TMEM108: variants seen among roughly 807,000 people sequenced by gnomAD.
TMEM108 encodes the protein transmembrane protein 108.
A neutral mutation model predicts 35.1 loss-of-function variants in TMEM108; 12 were observed. The ratio of observed to expected loss-of-function variants is 0.34; its 90% CI spans 0.22 to 0.55. TMEM108 has a LOEUF of 0.55. Among genes scored for constraint, TMEM108 ranks in the 20% least tolerant of loss-of-function variants. The pLI is 0.89. For missense variants in TMEM108, 680 were observed against 753.3 expected (o/e 0.90, Z 1.14); for synonymous variants, 287 against 308.6 (o/e 0.93, Z 0.73).
At chr3:133,067,291 C>G (rs1943619770) in intron 2 of TMEM108, among the ~76,000 whole-genome samples, 1 of 152,144 alleles carries the variant, frequency 6.6e-6, no homozygotes, top group Non-Finnish European at 1.5e-5. Flanking sequence ...TGATACTTGG[C>G]ATTGTGTGGC....
At chr3:133,058,041 A>C (rs572696963) in intron 2 of TMEM108, among the ~76,000 whole-genome samples, 1 of 152,334 alleles carries the variant, frequency 6.6e-6, no homozygotes, top group South Asian at 2.1e-4. Context: ...AGTTGGAGGA[A>C]GCAAGAAATG....
chr3:133,173,765 G>C (rs1279078524), intron 2 of TMEM108, among the ~76,000 whole-genome samples: 1 of 152,208 alleles, frequency 6.6e-6, no homozygotes, highest in Non-Finnish European at 1.5e-5. Flanking sequence ...CCCAGCATGA[G>C]TGACGCAGAA....
intron 3 of TMEM108, among the ~76,000 whole-genome samples, chr3:133,283,669 T>C (rs957094667): frequency 5.3e-5 from 8 of 152,236 alleles, no homozygotes; most frequent in Non-Finnish European, 7.3e-5. Flanking sequence ...TCAGTCCAGA[T>C]GAAGCTTAAT....
chr3:133,104,781 A>G (rs907345712), intron 2 of TMEM108, among the ~76,000 whole-genome samples: 7 of 152,180 alleles, frequency 4.6e-5, no homozygotes, highest in Non-Finnish European at 2.9e-5. Context: ...AAGAACCTGT[A>G]AGACGGCCTC....
intron 2 of TMEM108, among the ~76,000 whole-genome samples, chr3:133,105,256 G>A (rs1944135732): frequency 6.6e-6 from 1 of 152,130 alleles, no homozygotes; most frequent in African/African-American, 2.4e-5. Flanking sequence ...CTGTTAGCTG[G>A]CTGTCAGCGG....
chr3:133,286,285 G>A (rs1946984135), intron 3 of TMEM108, among the ~76,000 whole-genome samples: 1 of 152,162 alleles, frequency 6.6e-6, no homozygotes, highest in Non-Finnish European at 1.5e-5. Flanking sequence ...ATTGGGAGAA[G>A]CAGCAAAGAA....
intron 3 of TMEM108, among the ~76,000 whole-genome samples, chr3:133,302,699 C>T (rs1011326251): frequency 1.3e-5 from 2 of 152,066 alleles, no homozygotes; most frequent in East Asian, 1.9e-4. Flanking sequence ...GGATTACAGG[C>T]GTGAGCCACC....
At chr3:133,315,205 A>C (rs377089598) in intron 3 of TMEM108, among the ~76,000 whole-genome samples, 3 of 152,338 alleles carry the variant, frequency 2.0e-5, no homozygotes. Context: ...GCATGGATTA[A>C]TATCCTGTTT....
rs141590741 is a variant in TMEM108 at position 133,199,091 on chromosome 3, G to A, written c.-46-30175G>A. On this transcript the variant is annotated intron_variant, in intron 2 of 5. Transcript: ENST00000321871. ...CACTTGATTGAATCAGCTACTGAAG[G>A]TTGTGCATTCGTCACCTAGTTCTTG... Among the ~76,000 whole-genome samples, 11 of 152,230 alleles carry A rather than the reference G, an allele frequency of 7.2e-5. No homozygotes were observed. The East Asian group carries it at 1.9e-3, about 27-fold the overall frequency.
At chr3:133,355,765 C>T (rs1226500514) in intron 3 of TMEM108, among the ~76,000 whole-genome samples, 2 of 152,126 alleles carry the variant, frequency 1.3e-5, no homozygotes, top group Non-Finnish European at 2.9e-5. Flanking sequence ...TAACTGAAGG[C>T]AGCAGGGATG....
chr3:133,230,030 C>G (rs1364352916), intron 3 of TMEM108, among the ~76,000 whole-genome samples: 1 of 152,140 alleles, frequency 6.6e-6, no homozygotes, highest in Non-Finnish European at 1.5e-5. Flanking sequence ...AAGCCAAAAC[C>G]AATTGGTGGG....
chr3:133,054,330 T>A (rs1943440384), intron 2 of TMEM108, among the ~76,000 whole-genome samples: 1 of 152,202 alleles, frequency 6.6e-6, no homozygotes, highest in Admixed American at 6.5e-5. Context: ...GGCTGGATGA[T>A]TGGGAAATGG....
intron 2 of TMEM108, among the ~76,000 whole-genome samples, chr3:133,056,000 C>T (rs542077150): frequency 2.0e-5 from 3 of 152,288 alleles, no homozygotes; most frequent in Non-Finnish European, 4.4e-5. Context: ...CATATTAATA[C>T]AGTCCTGGAT....
At chr3:133,272,243 C>T (rs559789853) in intron 3 of TMEM108, among the ~76,000 whole-genome samples, 3 of 150,814 alleles carry the variant, frequency 2.0e-5, no homozygotes, top group Admixed American at 2.0e-4. Context: ...CTTGCTCTGA[C>T]TCAGCCTTAT....
At chr3:133,335,036 AAATGTAATT>A (rs1183816156) in intron 3 of TMEM108, among the ~76,000 whole-genome samples, 1 of 152,198 alleles carries the variant, frequency 6.6e-6, no homozygotes, top group African/African-American at 2.4e-5. Context: ...GTAATTAGAG[AAATGTAATT>A]ATGGTAGGAA....
intron 3 of TMEM108, among the ~76,000 whole-genome samples, chr3:133,329,090 A>G (rs879836702): frequency 7.3e-5 from 11 of 151,536 alleles, no homozygotes; most frequent in Non-Finnish European, 1.6e-4. Flanking sequence ...GATGTCTGGA[A>G]TATAGTAAAT....
intron 2 of TMEM108, among the ~76,000 whole-genome samples, chr3:133,136,004 A>G (rs1176377627): frequency 6.6e-6 from 1 of 152,056 alleles, no homozygotes; most frequent in Non-Finnish European, 1.5e-5. Flanking sequence ...ACTCTGCGAC[A>G]TTTTCTGATT....
At chr3:133,394,983 T>TA (rs1368048494) in intron 5 of TMEM108, among the ~76,000 whole-genome samples, 1 of 152,254 alleles carries the variant, frequency 6.6e-6, no homozygotes, top group Non-Finnish European at 1.5e-5. Flanking sequence ...TTAGCTGTTT[T>TA]AATTGGAAGA....
chr3:133,116,748 A>C (rs1437431922), intron 2 of TMEM108, among the ~76,000 whole-genome samples: 5 of 152,130 alleles, frequency 3.3e-5, no homozygotes, highest in African/African-American at 4.8e-5. Context: ...TCAAAGGAAA[A>C]TATATCTGTA....
Sources: gnomAD v4.1 joint callset for allele counts (sites outside exome capture counted in the v4.1 genomes callset) on GRCh38, gnomAD v4.1.1 for gene constraint, MANE v1.5 for transcripts, NCBI Gene and HGNC (gene_info 2026-07-23, HGNC 2026-07-21) for gene names.